Variants in USP4 observed in about 807,000 individuals in gnomAD.
The protein encoded by USP4 is ubiquitin carboxyl-terminal hydrolase 4.
In USP4, 72 loss-of-function variants were observed where a neutral mutation model predicts 118.2. The observed-to-expected ratio is 0.61, with a 90% CI of 0.50 to 0.74. USP4 has a LOEUF of 0.74. Ranked by LOEUF, USP4 falls within the 30% of genes least tolerant of loss-of-function variation. The pLI, the probability that USP4 is intolerant of heterozygous loss-of-function variation, is 0.00. For missense variants in USP4, 1,037 were observed against 1,185.7 expected (o/e 0.87, Z 1.84); for synonymous variants, 415 against 440.4 (o/e 0.94, Z 0.72).
chr3:49,314,776 G>C (rs1575613913), intron 6 of USP4, among the ~76,000 whole-genome samples: 1 of 152,126 alleles, frequency 6.6e-6, no homozygotes. Flanking sequence ...TGTAATCTTA[G>C]CACTTTGGGA....
intron 20 of USP4, among the ~76,000 whole-genome samples, chr3:49,279,989 C>T (rs912842934): frequency 3.3e-5 from 5 of 152,290 alleles, no homozygotes; most frequent in Middle Eastern, 3.4e-3. Flanking sequence ...AGGCAGGGCA[C>T]GGTGACTCAC....
chr3:49,288,855 ATC>A (rs1486620056), intron 15 of USP4, among the ~76,000 whole-genome samples: 6 of 152,314 alleles, frequency 3.9e-5, no homozygotes, highest in Admixed American at 3.9e-4. Flanking sequence ...CACGCCTATG[ATC>A]CCAGCACGTT....
rs370067968 is a variant in USP4 at position 49,284,535 on chromosome 3, G to GTCT, written c.2318_2320dup (p.Lys773dup). 3.1e-6 allele frequency: 5 copies of GTCT among 1,613,926 alleles called. No individual in the cohort carries two copies. The highest frequency in any genetic ancestry group is 1.7e-5 in the Admixed American group (1 of 59,980). On this transcript the variant is annotated inframe_insertion, in exon 18 of 22. Transcript: ENST00000265560. ...GATGCAGTCTCTCAGGGCCACTGTGGTCTTCTTCTTCTTCTGAGGCTGCAA... is the reference window on the plus strand; with the variant it reads ...GATGCAGTCTCTCAGGGCCACTGTGGTCTTCTTCTTCTTCTTCTGAGGCTGCAA...
At chr3:49,316,095 C>CAA (rs2047432360) in intron 6 of USP4, among the ~76,000 whole-genome samples, 1 of 151,820 alleles carries the variant, frequency 6.6e-6, no homozygotes, top group Non-Finnish European at 1.5e-5. Context: ...TCCATCTACT[C>CAA]AGAGGCTGAG....
At chr3:49,318,598 G>GA in intron 6 of USP4, 2 of 985,038 alleles carry the variant, frequency 2.0e-6, no homozygotes, top group Non-Finnish European at 1.2e-6. Context: ...CCTCATTAGT[G>GA]AAAAAAAGAC....
In USP4 at chr3:49,283,730, G is replaced by A. The variant is rs533172055; in HGVS notation, c.2540+257C>T. 5.9e-5 allele frequency among the ~76,000 whole-genome samples: 9 copies of A among 152,302 alleles called. No individual in the cohort carries two copies. In the South Asian group the frequency reaches 6.2e-4, roughly 11 times the overall value. ...GCCAGTTAGGTGGCCTAAGTGACTCGAGAGGGAAACTAGCAGTGGCAGGGG... is the reference window on the plus strand; with the variant it reads ...GCCAGTTAGGTGGCCTAAGTGACTCAAGAGGGAAACTAGCAGTGGCAGGGG... On this transcript the variant is annotated intron_variant, in intron 19 of 21. Coordinates refer to ENST00000265560, the MANE Select transcript of USP4 (RefSeq NM_003363.4).
At chr3:49,313,524 A>G (rs899526592) in intron 6 of USP4, among the ~76,000 whole-genome samples, 8 of 151,952 alleles carry the variant, frequency 5.3e-5, no homozygotes, top group Admixed American at 4.6e-4. Context: ...ACAAAACTCC[A>G]TCTCAAAAAA....
At chr3:49,288,874 T>C (rs1281468396) in intron 15 of USP4, among the ~76,000 whole-genome samples, 1 of 151,724 alleles carries the variant, frequency 6.6e-6, no homozygotes, top group Admixed American at 6.6e-5. Flanking sequence ...CGTTGGGAGG[T>C]TGAGGCAGAT....
Position 49,325,046 on chromosome 3 carries a change from A to T in USP4, c.488-7T>A, listed in dbSNP as rs749768351. On this transcript the variant is annotated splice_polypyrimidine_tract_variant and splice_region_variant and intron_variant, in intron 4 of 21. Transcript: ENST00000265560. Reference sequence around the variant, plus strand: ...ATCTCTTTCTCGATGGTTGCTAGGAACAGGCAGAAATATCACTTGGGGCTT... The same window carrying T: ...ATCTCTTTCTCGATGGTTGCTAGGATCAGGCAGAAATATCACTTGGGGCTT... 2.5e-5 allele frequency: 40 copies of T among 1,611,366 alleles called. No homozygotes were observed. Among genetic ancestry groups the T allele is most frequent in the Middle Eastern group, 1.7e-4 (1 of 6,044 alleles).
chr3:49,278,682 C>T, intron 21 of USP4, 132 bp downstream of exon 21: 2 of 877,192 alleles, frequency 2.3e-6, no homozygotes, highest in Non-Finnish European at 3.6e-6. Flanking sequence ...GAAGGAATGC[C>T]AGCCAGCTCT....
chr3:49,278,086 TTAAAAA>T lies in USP4; in HGVS notation c.*201_*206del. ...TTCACAGAAATTTCTCACCACCTGT[TTAAAAA>T]TAAAAATAATTCAGCCTCTTGACAT... On this transcript the variant is annotated 3_prime_UTR_variant, in exon 22 of 22. Transcript: ENST00000265560. 1 of 600,600 alleles carries T rather than the reference TTAAAAA, an allele frequency of 1.7e-6. No individual in the cohort carries two copies. The highest frequency in any genetic ancestry group is 2.7e-6 in the Non-Finnish European group (1 of 376,070). The allele number at this position is 600,600 out of a possible 1,614,324, so 37.2% of individuals were successfully genotyped here. A position where few individuals can be genotyped will look rare whatever the true frequency, so the allele number is the denominator to read the frequency against.
intron 14 of USP4, 89 bp downstream of exon 14, chr3:49,294,318 C>G (rs2047180820): frequency 1.4e-6 from 2 of 1,398,390 alleles, no homozygotes; most frequent in Non-Finnish European, 2.0e-6. Context: ...CATGTAGGAT[C>G]AACACAGCCA....
At chr3:49,286,730 T>C (rs1238179744) in intron 15 of USP4, among the ~76,000 whole-genome samples, 1 of 151,938 alleles carries the variant, frequency 6.6e-6, no homozygotes, top group African/African-American at 2.4e-5. Flanking sequence ...TAAGAAACAC[T>C]ATCTATCTTC....
Position 49,339,858 on chromosome 3 carries a change from G to A in USP4, c.101+66C>T, listed in dbSNP as rs987513543. ...CCCGCCCAGCCCCTACTCTAGCCGA[G>A]AAAAAGGAGGCCCCTTTTTCTCGGC... is the stretch of plus-strand genomic sequence containing the variant. On this transcript the variant is annotated intron_variant, in intron 1 of 21. Coordinates refer to ENST00000265560, the MANE Select transcript of USP4 (RefSeq NM_003363.4). The A allele has an allele frequency of 3.6e-6, 5 of 1,398,810 alleles. No individual in the cohort carries two copies. The African/African-American group carries it at 7.2e-5, about 20-fold the overall frequency. 86.6% of individuals were successfully genotyped at this position (1,398,810 alleles called of 1,614,324 possible). A position where few individuals can be genotyped will look rare whatever the true frequency, so the allele number is the denominator to read the frequency against.
chr3:49,284,727 T>G (rs2047075449), intron 17 of USP4, 122 bp downstream of exon 17: 2 of 1,241,498 alleles, frequency 1.6e-6, no homozygotes, highest in Non-Finnish European at 2.3e-6. Flanking sequence ...CTTGAAGTGC[T>G]TTTCCTTCTC....
rs1408559955 is a variant in USP4 at position 49,280,745 on chromosome 3, G to A, written c.2643C>T (p.His881=). 4 of 1,613,684 alleles carry A rather than the reference G, an allele frequency of 2.5e-6. No individual in the cohort carries two copies. Among genetic ancestry groups the A allele is most frequent in the African/African-American group, 1.3e-5 (1 of 74,880 alleles). ...SNHYGAMGVG[H]YTAYAKNKLN... The stretch of plus-strand genomic sequence containing the variant: ...AAGGAAGCAGATGTCAATACTTACA[G>A]TGGCCAACCCCCATGGCTCCATAAT... Residue 881 remains histidine (H), a splice_region_variant and synonymous_variant, in exon 20 of 22, where the codon CAC becomes CAT. Coordinates refer to ENST00000265560, the MANE Select transcript of USP4 (RefSeq NM_003363.4).
At chr3:49,299,248 C>T (rs1487000527) in intron 11 of USP4, among the ~76,000 whole-genome samples, 1 of 151,704 alleles carries the variant, frequency 6.6e-6, no homozygotes, top group East Asian at 1.9e-4. Flanking sequence ...CACCACCACG[C>T]CTGGATAATT....
chr3:49,320,485 C>T (rs771846687), intron 6 of USP4, among the ~76,000 whole-genome samples: 9 of 152,130 alleles, frequency 5.9e-5, no homozygotes, highest in Non-Finnish European at 1.2e-4. Context: ...CTCACTCTGT[C>T]GTCCAGGCTG....
rs900488762 is a variant in USP4 at position 49,281,484 on chromosome 3, A to C, written c.2541-637T>G. Reference sequence around the variant, plus strand: ...AAAGAAAAAAAGTATGTGTATATATATATATATACACACACACACACACAC... The same window carrying C: ...AAAGAAAAAAAGTATGTGTATATATCTATATATACACACACACACACACAC... On this transcript the variant is annotated intron_variant, in intron 19 of 21. Transcript: ENST00000265560. Among the ~76,000 whole-genome samples the C allele has an allele frequency of 2.8e-5, 3 of 108,272 alleles. No individual in the cohort carries two copies. In the Admixed American group the frequency reaches 3.8e-4, roughly 14 times the overall value. The allele number at this position is 108,272 out of a possible 152,430, so 71.0% of individuals were successfully genotyped here. A position where few individuals can be genotyped will look rare whatever the true frequency, so the allele number is the denominator to read the frequency against.
Sources: allele counts gnomAD v4.1 joint callset (sites outside exome capture counted in the v4.1 genomes callset), GRCh38; gene constraint gnomAD v4.1.1; transcripts MANE v1.5; gene names NCBI Gene and HGNC (gene_info 2026-07-23, HGNC 2026-07-21).